Variants in FRMPD1 observed in about 807,000 individuals in gnomAD.
FRMPD1 encodes the protein FERM and PDZ domain-containing protein 1.
In FRMPD1, 76 loss-of-function variants were observed where a neutral mutation model predicts 117.8. That is an observed-to-expected ratio of 0.65 (90% CI 0.54 to 0.78). The LOEUF (loss-of-function observed/expected upper bound fraction) is 0.78, where lower values mean the gene tolerates loss of function less well. FRMPD1 is among the 30% of genes least tolerant of loss of function. The pLI, the probability that FRMPD1 is intolerant of heterozygous loss-of-function variation, is 0.00. For missense variants in FRMPD1, 1,786 were observed against 1,964.5 expected, an observed-to-expected ratio of 0.91 and a Z score of 1.72; for synonymous variants, 783 against 770.4, an observed-to-expected ratio of 1.02 and a Z score of -0.27.
At chr9:37,611,494 G>C in the FRMPD1 span, among the ~76,000 whole-genome samples, 7 of 151,942 alleles carry the variant, frequency 4.6e-5, no homozygotes, top group Admixed American at 4.6e-4. Context: ...CTGATTTTCA[G>C]AGGGAATCAC....
At chr9:37,727,132 T>C (rs1823649697) in intron 7 of FRMPD1, among the ~76,000 whole-genome samples, 1 of 152,018 alleles carries the variant, frequency 6.6e-6, no homozygotes, top group Non-Finnish European at 1.5e-5. Context: ...GAGAAGTGGG[T>C]TGGCACCTGA....
the FRMPD1 span, among the ~76,000 whole-genome samples, chr9:37,625,980 T>G: frequency 1.3e-5 from 2 of 152,240 alleles, no homozygotes. Context: ...CCCAGCACTT[T>G]GGGAGACCAC....
Position 37,658,983 on chromosome 9 carries a change from A to G in FRMPD1, c.-5+7889A>G, listed in dbSNP as rs1820919714. Among the ~76,000 whole-genome samples the G allele has an allele frequency of 3.3e-5, 5 of 152,098 alleles. No individual in the cohort carries two copies. In the South Asian group the frequency reaches 1.0e-3, roughly 32 times the overall value. ...TGGGCTCAAGTGATCCTCCCACCTC[A>G]GCCTTCTAAATTGCTGGGACTATAG... is the stretch of plus-strand genomic sequence containing the variant. On this transcript the variant is annotated intron_variant, in intron 1 of 15. Coordinates refer to ENST00000377765, the MANE Select transcript of FRMPD1 (RefSeq NM_014907.3).
At chr9:37,636,680 T>G in the FRMPD1 span, 13 of 1,537,208 alleles carry the variant, frequency 8.5e-6, no homozygotes, top group Non-Finnish European at 1.1e-5. Context: ...CCCACTCCAG[T>G]GCCCCTCCTA....
At chr9:37,623,561 C>G in the FRMPD1 span, among the ~76,000 whole-genome samples, 1 of 151,954 alleles carries the variant, frequency 6.6e-6, no homozygotes, top group African/African-American at 2.4e-5. Flanking sequence ...GGGCTGGGGA[C>G]TAGAGAGCAC....
At chr9:37,612,118 C>T in the FRMPD1 span, among the ~76,000 whole-genome samples, 3,510 of 152,234 alleles carry the variant, frequency 0.023, 121 homozygotes, top group African/African-American at 0.073. Flanking sequence ...TGACCTATAT[C>T]CCAGGGGTGT....
Position 37,746,182 on chromosome 9 carries a change from C to G in FRMPD1, c.4150C>G (p.Arg1384Gly), listed in dbSNP as rs201797937. 6 of 1,613,286 alleles carry G rather than the reference C, an allele frequency of 3.7e-6. No homozygotes were observed. Among genetic ancestry groups the G allele is most frequent in the South Asian group, 1.1e-5 (1 of 91,074 alleles). ...SPVVLPWRPA[R>G]AHSCTTAPLS... ...GGTGGTTCTGCCCTGGAGGCCTGCC[C>G]GAGCCCACAGCTGCACCACCGCACC... Residue 1384 changes from arginine (R) to glycine (G), a missense_variant, in exon 16 of 16, where the codon CGA (arginine) becomes GGA (glycine). By Grantham distance (125) the Arg-to-Gly change is moderately radical (BLOSUM62 -2). Transcript: ENST00000377765.
chr9:37,656,685 A>C (rs971038719), intron 1 of FRMPD1, among the ~76,000 whole-genome samples: 2 of 135,932 alleles, frequency 1.5e-5, no homozygotes, highest in African/African-American at 6.3e-5. Flanking sequence ...CAGGTTTGCA[A>C]ATCTGAGACT....
intron 1 of FRMPD1, among the ~76,000 whole-genome samples, chr9:37,678,251 CT>C (rs34040451): frequency 0.036 from 2,875 of 79,540 alleles, 18 homozygotes; most frequent in East Asian, 0.084. Flanking sequence ...GTACTTACCA[CT>C]TTTTTTTTTT....
chr9:37,644,027 T>G, the FRMPD1 span, among the ~76,000 whole-genome samples: 1 of 152,198 alleles, frequency 6.6e-6, no homozygotes, highest in South Asian at 2.1e-4. Context: ...TGGAGCTACA[T>G]TGGCCCAAAG....
the FRMPD1 span, among the ~76,000 whole-genome samples, chr9:37,638,010 T>TCTC: frequency 8.1e-6 from 1 of 124,198 alleles, no homozygotes; most frequent in African/African-American, 2.9e-5. Flanking sequence ...CTTTCTTTCT[T>TCTC]TCTTTCTTTC....
At chr9:37,660,954 C>T (rs1410173420) in intron 1 of FRMPD1, among the ~76,000 whole-genome samples, 1 of 152,266 alleles carries the variant, frequency 6.6e-6, no homozygotes. Flanking sequence ...TTGGTCTCTA[C>T]AGTCATCAGT....
the FRMPD1 span, among the ~76,000 whole-genome samples, chr9:37,622,375 T>A: frequency 6.6e-6 from 1 of 152,250 alleles, no homozygotes. Flanking sequence ...CACACACAGA[T>A]GCTTCTCCCA....
In FRMPD1 at chr9:37,745,203, A is replaced by G; in HGVS notation, c.3171A>G (p.Glu1057=). Residue 1057 remains glutamate, a synonymous_variant, in exon 16 of 16, where the codon GAA becomes GAG. Transcript: ENST00000377765. ...ATGTCCAGTTGGAAATGGGATTGGA[A>G]TCTTTTTGTACAAATCATATACAAG... ...EPHVQLEMGL[E]SFCTNHIQET... The G allele has an allele frequency of 2.5e-6, 4 of 1,613,856 alleles. No individual in the cohort carries two copies. The highest frequency in any genetic ancestry group is 8.5e-7 in the Non-Finnish European group (1 of 1,179,834).
chr9:37,615,438 G>A, the FRMPD1 span, among the ~76,000 whole-genome samples: 3 of 151,948 alleles, frequency 2.0e-5, no homozygotes, highest in Non-Finnish European at 4.4e-5. Context: ...CGTCAACCTC[G>A]CTTCTGATTG....
intron 1 of FRMPD1, among the ~76,000 whole-genome samples, chr9:37,674,931 G>T (rs1249532476): frequency 6.6e-6 from 1 of 152,108 alleles, no homozygotes; most frequent in Non-Finnish European, 1.5e-5. Context: ...AGCCCAAGAG[G>T]TCTGGCTTTA....
chr9:37,692,276 T>C (rs1822165645), intron 1 of FRMPD1, among the ~76,000 whole-genome samples: 1 of 152,194 alleles, frequency 6.6e-6, no homozygotes, highest in South Asian at 2.1e-4. Context: ...TGAACCGCAT[T>C]GTCCAGGGTT....
chr9:37,710,465 G>A (rs576091972), intron 4 of FRMPD1, among the ~76,000 whole-genome samples: 3 of 152,150 alleles, frequency 2.0e-5, no homozygotes, highest in Non-Finnish European at 4.4e-5. Context: ...TGAAATCTAA[G>A]AGATAATGCA....
In FRMPD1 at chr9:37,742,080, G is replaced by A. The variant is rs1031532988; in HGVS notation, c.2356+1196G>A. Among the ~76,000 whole-genome samples, 6 of 152,188 alleles carry A rather than the reference G, an allele frequency of 3.9e-5. No individual in the cohort carries two copies. In the South Asian group the frequency reaches 6.2e-4, roughly 16 times the overall value. ...CACTAGACCGAGAACTCCTTTGAGCGTTAGAACTGTGTGTTTCTCACTGTG... is the reference window on the plus strand; with the variant it reads ...CACTAGACCGAGAACTCCTTTGAGCATTAGAACTGTGTGTTTCTCACTGTG... On this transcript the variant is annotated intron_variant, in intron 15 of 15. Coordinates refer to ENST00000377765, the MANE Select transcript of FRMPD1 (RefSeq NM_014907.3).
Sources: allele counts gnomAD v4.1 joint callset (sites outside exome capture counted in the v4.1 genomes callset), GRCh38; gene constraint gnomAD v4.1.1; transcripts MANE v1.5; gene names NCBI Gene and HGNC (gene_info 2026-07-23, HGNC 2026-07-21).